Variants in FHIT observed in about 807,000 individuals in gnomAD.
FHIT encodes fragile histidine triad diadenosine triphosphatase.
FHIT carries 19 observed loss-of-function variants against 17.9 expected under a neutral mutation model. The observed-to-expected ratio is 1.06, with a 90% confidence interval of 0.74 to 1.56. FHIT has a LOEUF of 1.56. Ranked by LOEUF, FHIT falls within the 40% of genes most tolerant of loss-of-function variation. FHIT has a pLI of 0.00. For missense variants in FHIT, 248 were observed against 189.2 expected (o/e 1.31, Z -1.82); for synonymous variants, 81 against 69.7 (o/e 1.16, Z -0.81).
chr3:60,594,212 C>G (rs956052310), intron 4 of FHIT, among the ~76,000 whole-genome samples: 2 of 152,096 alleles, frequency 1.3e-5, no homozygotes, highest in African/African-American at 4.8e-5. Flanking sequence ...TGGAATCGCA[C>G]GGAGCTCTGT....
intron 3 of FHIT, among the ~76,000 whole-genome samples, chr3:60,947,275 A>T (rs1255302928): frequency 6.6e-6 from 1 of 151,920 alleles, no homozygotes; most frequent in African/African-American, 2.4e-5. Flanking sequence ...GAAGACCCTT[A>T]AAAAAAACCC....
At chr3:60,238,062 C>T (rs972706513) in intron 5 of FHIT, among the ~76,000 whole-genome samples, 3 of 148,016 alleles carry the variant, frequency 2.0e-5, no homozygotes, top group Non-Finnish European at 4.4e-5. Context: ...AGGAAAATCG[C>T]TTGAGCCTTG....
chr3:61,004,293 C>T (rs1231614350), intron 3 of FHIT, among the ~76,000 whole-genome samples: 1 of 152,096 alleles, frequency 6.6e-6, no homozygotes, highest in Admixed American at 6.6e-5. Flanking sequence ...TCCACCCAAG[C>T]CACCCCAAAT....
chr3:60,180,204 C>A (rs2362456), intron 5 of FHIT, among the ~76,000 whole-genome samples: 27,555 of 152,096 alleles, frequency 0.18, 3,161 homozygotes, highest in East Asian at 0.31. Flanking sequence ...TGATTTTTAA[C>A]TAGGAAGATC....
chr3:60,666,359 TC>T (rs2040381937), intron 4 of FHIT, among the ~76,000 whole-genome samples: 1 of 152,178 alleles, frequency 6.6e-6, no homozygotes, highest in South Asian at 2.1e-4. Flanking sequence ...GTATAGTTTT[TC>T]CAGACATAGA....
At chr3:60,296,307 C>T (rs140567003) in intron 5 of FHIT, among the ~76,000 whole-genome samples, 13 of 152,156 alleles carry the variant, frequency 8.5e-5, no homozygotes, top group South Asian at 4.2e-4. Context: ...AAAATCAACA[C>T]GAAAGGAATC....
chr3:60,335,252 A>G (rs1405686404), intron 5 of FHIT, among the ~76,000 whole-genome samples: 6 of 152,220 alleles, frequency 3.9e-5, no homozygotes, highest in East Asian at 1.9e-4. Context: ...AAAATTTAAA[A>G]TATCTTCAGA....
At chr3:60,179,732 G>A (rs1398611788) in intron 5 of FHIT, among the ~76,000 whole-genome samples, 2 of 152,080 alleles carry the variant, frequency 1.3e-5, no homozygotes, top group Non-Finnish European at 1.5e-5. Context: ...CCAAGGTCAT[G>A]AAAACAGGCA....
At chr3:60,396,257 T>C (rs1701435150) in intron 5 of FHIT, among the ~76,000 whole-genome samples, 1 of 152,182 alleles carries the variant, frequency 6.6e-6, no homozygotes, top group Admixed American at 6.5e-5. Context: ...ACTGCAGCTT[T>C]ATATAGTTGA....
rs151235469 is a variant in FHIT at position 60,681,936 on chromosome 3, T to C, written c.-18+139983A>G. Among the ~76,000 whole-genome samples the C allele has an allele frequency of 3.5e-3, 536 of 151,616 alleles. 1 individual carries two copies. The highest frequency in any genetic ancestry group is 5.9e-3 in the Non-Finnish European group (401 of 67,934). Reference sequence around the variant, plus strand: ...CAGCAAGTTATCCAGAAGATCTAGCTAAGATAACTAATGAAGGTGGCTACA... The same window carrying C: ...CAGCAAGTTATCCAGAAGATCTAGCCAAGATAACTAATGAAGGTGGCTACA... On this transcript the variant is annotated intron_variant, in intron 4 of 9. Transcript: ENST00000492590.
chr3:60,774,047 C>T (rs17063959), intron 4 of FHIT, among the ~76,000 whole-genome samples: 25,633 of 152,040 alleles, frequency 0.17, 3,284 homozygotes, highest in African/African-American at 0.37. Context: ...AAGGAAGATA[C>T]GAAAATGGCA....
At chr3:60,100,941 G>C (rs1311470264) in intron 5 of FHIT, among the ~76,000 whole-genome samples, 1 of 152,100 alleles carries the variant, frequency 6.6e-6, no homozygotes, top group African/African-American at 2.4e-5. Context: ...GTATGGCTAA[G>C]GTCCTGTTTT....
At chr3:60,312,764 G>C (rs1436609275) in intron 5 of FHIT, among the ~76,000 whole-genome samples, 4 of 152,084 alleles carry the variant, frequency 2.6e-5, no homozygotes, top group African/African-American at 9.7e-5. Context: ...TAGGTACTAT[G>C]TATATACATA....
rs1024464892 is a variant in FHIT at position 60,548,076 on chromosome 3, G to A, written c.-17-11097C>T. 2.0e-5 allele frequency among the ~76,000 whole-genome samples: 3 copies of A among 151,878 alleles called. 1 individual carries two copies. The highest frequency in any genetic ancestry group is 1.5e-5 in the Non-Finnish European group (1 of 67,954). ...AGGAAGATCCACCCTTAATCTGGTG[G>A]GCACAATCTAATCAGCTGGCAGTGG... On this transcript the variant is annotated intron_variant, in intron 4 of 9. Coordinates refer to ENST00000492590, the MANE Select transcript of FHIT (RefSeq NM_002012.4).
chr3:61,231,520 C>T (rs2040101875), intron 1 of FHIT, among the ~76,000 whole-genome samples: 1 of 151,110 alleles, frequency 6.6e-6, no homozygotes, highest in Non-Finnish European at 1.5e-5. Context: ...GCTCACTGGG[C>T]TCTAAAAGTT....
At chr3:59,907,579 G>A (rs1465863744) in intron 8 of FHIT, among the ~76,000 whole-genome samples, 1 of 152,204 alleles carries the variant, frequency 6.6e-6, no homozygotes, top group African/African-American at 2.4e-5. Context: ...GAGTGCATGT[G>A]TACATGAGTG....
intron 5 of FHIT, among the ~76,000 whole-genome samples, chr3:60,102,863 C>A (rs972193606): frequency 2.6e-5 from 4 of 152,102 alleles, no homozygotes; most frequent in Admixed American, 6.5e-5. Context: ...CCACACAAGT[C>A]CCGTGTCTGA....
chr3:60,531,302 G>C (rs375571243), intron 5 of FHIT, among the ~76,000 whole-genome samples: 1 of 140,482 alleles, frequency 7.1e-6, no homozygotes, highest in Admixed American at 7.4e-5. Flanking sequence ...TTTTTGAGAC[G>C]GAGTCTCGCT....
At chr3:59,796,220 T>C (rs1425795804) in intron 8 of FHIT, among the ~76,000 whole-genome samples, 2 of 152,156 alleles carry the variant, frequency 1.3e-5, no homozygotes, top group Admixed American at 1.3e-4. Context: ...ATTCCTTTCA[T>C]CTCCTCTAAT....
Sources: allele counts gnomAD v4.1 joint callset (sites outside exome capture counted in the v4.1 genomes callset), GRCh38; gene constraint gnomAD v4.1.1; transcripts MANE v1.5; gene names NCBI Gene and HGNC (gene_info 2026-07-23, HGNC 2026-07-21).